The following PPP2R5A variants were observed in gnomAD, a reference collection of about 807,000 sequenced individuals.
PPP2R5A encodes protein phosphatase 2 regulatory subunit B'alpha.
Under a neutral mutation model 64.2 loss-of-function variants are expected in PPP2R5A, and 25 were observed. That is an observed-to-expected ratio of 0.39 (90% CI 0.28 to 0.54). The LOEUF is 0.54. Among genes scored for constraint, PPP2R5A ranks in the 20% least tolerant of loss-of-function variants. PPP2R5A has a pLI of 0.67. For missense variants in PPP2R5A, 425 were observed against 576.3 expected (o/e 0.74, Z 2.69); for synonymous variants, 198 against 201.2 (o/e 0.98, Z 0.13).
At chr1:212,328,171 A>G (rs1659439651) in intron 1 of PPP2R5A, among the ~76,000 whole-genome samples, 1 of 152,374 alleles carries the variant, frequency 6.6e-6, no homozygotes, top group South Asian at 2.1e-4. Context: ...ATTGCTGTAA[A>G]GCACAGTAAA....
intron 1 of PPP2R5A, among the ~76,000 whole-genome samples, chr1:212,304,828 G>A (rs192663259): frequency 2.3e-4 from 34 of 150,162 alleles, no homozygotes; most frequent in Admixed American, 4.6e-4. Flanking sequence ...CACCTCACAG[G>A]TTCAAGCGAT....
intron 4 of PPP2R5A, 86 bp from the exon 5 acceptor site, chr1:212,345,717 G>A (rs1366721356): frequency 5.9e-5 from 84 of 1,434,012 alleles, no homozygotes; most frequent in Non-Finnish European, 7.5e-5. Context: ...TTTAAAAGAT[G>A]TCATGGATAA....
At chr1:212,292,810 C>T (rs1184673411) in intron 1 of PPP2R5A, among the ~76,000 whole-genome samples, 2 of 152,166 alleles carry the variant, frequency 1.3e-5, no homozygotes, top group Non-Finnish European at 2.9e-5. Flanking sequence ...TGTGATCCTC[C>T]GTCTTTGGCT....
At chr1:212,304,586 T>C (rs1475516504) in intron 1 of PPP2R5A, among the ~76,000 whole-genome samples, 1 of 152,140 alleles carries the variant, frequency 6.6e-6, no homozygotes, top group African/African-American at 2.4e-5. Flanking sequence ...TCTCGCTATG[T>C]TGCCCAGGCT....
intron 1 of PPP2R5A, among the ~76,000 whole-genome samples, chr1:212,286,614 C>T (rs977714935): frequency 1.9e-4 from 29 of 152,246 alleles, no homozygotes; most frequent in African/African-American, 6.3e-4. Context: ...CTTCACTCCT[C>T]TTCCAGGTTT....
rs777969471 is a variant in PPP2R5A, at chr1:212,349,142, TTAAA to T, written c.874-45_874-42del. ...GGCTAAATATAAAAATCCTACATTA[TTAAA>T]TGTTATCTCACTAATATTTATAAAC... is the stretch of plus-strand genomic sequence containing the variant. On this transcript the variant is annotated intron_variant, in intron 7 of 12. Coordinates refer to ENST00000261461, the MANE Select transcript of PPP2R5A (RefSeq NM_006243.4). 4 of 1,296,620 alleles carry T rather than the reference TTAAA, an allele frequency of 3.1e-6. No individual in the cohort carries two copies. In the South Asian group the frequency reaches 5.0e-5, roughly 16 times the overall value. 80.3% of individuals were successfully genotyped at this position (1,296,620 alleles called of 1,614,324 possible). A position where few individuals can be genotyped will look rare whatever the true frequency, so the allele number is the denominator to read the frequency against.
intron 5 of PPP2R5A, 53 bp downstream of exon 5, chr1:212,345,986 G>A: frequency 6.7e-7 from 1 of 1,490,488 alleles, no homozygotes; most frequent in East Asian, 2.4e-5. Context: ...ATATCTTCTT[G>A]TATTCAAGTT....
intron 1 of PPP2R5A, among the ~76,000 whole-genome samples, chr1:212,295,942 C>G (rs1658684086): frequency 6.6e-6 from 1 of 152,072 alleles, no homozygotes; most frequent in Non-Finnish European, 1.5e-5. Context: ...ATTACTATAG[C>G]TACTGGGTAG....
chr1:212,311,566 ATTATTTT>A, intron 1 of PPP2R5A, among the ~76,000 whole-genome samples: 1 of 152,030 alleles, frequency 6.6e-6, no homozygotes, highest in Non-Finnish European at 1.5e-5. Flanking sequence ...TATTTTTATC[ATTATTTT>A]AGAGTGTGCT....
intron 1 of PPP2R5A, among the ~76,000 whole-genome samples, chr1:212,313,131 C>A (rs1439870162): frequency 1.3e-5 from 2 of 152,156 alleles, no homozygotes; most frequent in East Asian, 1.9e-4. Context: ...CCTGTGCTTT[C>A]TCTCTCTGGA....
chr1:212,309,551 A>G lies in PPP2R5A; in HGVS notation c.182-19584A>G, dbSNP rs976072875. On this transcript the variant is annotated intron_variant, in intron 1 of 12. Transcript: ENST00000261461. Reference sequence around the variant, plus strand: ...AAAGCCCTTCTTTACTTCTTTAATCATAGTTTAGTTCTTTGAACATATATA... The same window carrying G: ...AAAGCCCTTCTTTACTTCTTTAATCGTAGTTTAGTTCTTTGAACATATATA... The G allele has an allele frequency of 3.3e-5, 24 of 728,444 alleles. No individual in the cohort carries two copies. The Admixed American group carries it at 4.9e-4, about 15-fold the overall frequency. 45.1% of individuals were successfully genotyped at this position (728,444 alleles called of 1,614,324 possible). A position where few individuals can be genotyped will look rare whatever the true frequency, so the allele number is the denominator to read the frequency against.
chr1:212,351,958 T>A (rs1474141854), intron 8 of PPP2R5A, among the ~76,000 whole-genome samples: 1 of 142,566 alleles, frequency 7.0e-6, no homozygotes, highest in African/African-American at 2.5e-5. Context: ...AATAATTTTT[T>A]TATTTTTCTT....
At chr1:212,291,978 G>C (rs759577974) in intron 1 of PPP2R5A, among the ~76,000 whole-genome samples, 13 of 152,164 alleles carry the variant, frequency 8.5e-5, no homozygotes, top group Non-Finnish European at 1.9e-4. Flanking sequence ...TCCTCTGTAT[G>C]CTCACAACAC....
intron 1 of PPP2R5A, among the ~76,000 whole-genome samples, chr1:212,303,079 T>C (rs1658828268): frequency 1.3e-5 from 2 of 152,206 alleles, no homozygotes; most frequent in South Asian, 4.1e-4. Context: ...TGTGTGGACA[T>C]ATGTTTTCAT....
At chr1:212,297,825 C>CTTTTTTTTTTTT (rs1368421837) in intron 1 of PPP2R5A, 2 of 22,120 alleles carry the variant, frequency 9.0e-5, no homozygotes, top group Non-Finnish European at 1.5e-4. Flanking sequence ...TTTTTTTTTT[C>CTTTTTTTTTTTT]TTTTTTATTT....
chr1:212,337,178 A>C (rs1358362906), intron 3 of PPP2R5A, among the ~76,000 whole-genome samples: 2 of 152,186 alleles, frequency 1.3e-5, no homozygotes, highest in Non-Finnish European at 2.9e-5. Flanking sequence ...AACTTAATGT[A>C]CAACAGTTTT....
chr1:212,311,009 C>T (rs1028904778), intron 1 of PPP2R5A, among the ~76,000 whole-genome samples: 1 of 152,106 alleles, frequency 6.6e-6, no homozygotes, highest in South Asian at 2.1e-4. Flanking sequence ...TGCTGCATAA[C>T]GATGTTTTGG....
rs200668111 is a variant in PPP2R5A, at chr1:212,345,877, G to A, written c.648G>A (p.Gly216=). 9.6e-5 allele frequency: 155 copies of A among 1,611,482 alleles called. 1 individual carries two copies. In the East Asian group the frequency reaches 3.3e-3, roughly 35 times the overall value. ...FLKTVLHRIY[G]KFLGLRAFIR... ...AGACTGTTCTGCACCGAATTTATGG[G>A]AAATTTCTTGGATTAAGAGCATTCA... Residue 216 remains glycine, a synonymous_variant, in exon 5 of 13, where the codon GGG becomes GGA. Transcript: ENST00000261461.
chr1:212,342,669 G>C (rs1170265678), intron 4 of PPP2R5A, among the ~76,000 whole-genome samples: 1 of 152,036 alleles, frequency 6.6e-6, no homozygotes, highest in Non-Finnish European at 1.5e-5. Flanking sequence ...TGAAATGACG[G>C]GGGAAAAAAG....
Sources: allele counts gnomAD v4.1 joint callset (sites outside exome capture counted in the v4.1 genomes callset), GRCh38; gene constraint gnomAD v4.1.1; transcripts MANE v1.5; gene names NCBI Gene and HGNC (gene_info 2026-07-23, HGNC 2026-07-21).